The following WDR4 variants were observed in gnomAD, a reference collection of about 807,000 sequenced individuals.
WDR4 encodes the protein WDR4 tRNA N7-guanosine methyltransferase non-catalytic subunit, also known as tRNA (guanine-N(7)-)-methyltransferase non-catalytic subunit WDR4.
A neutral mutation model predicts 48.6 loss-of-function variants in WDR4; 47 were observed. The observed-to-expected ratio is 0.97, with a 90% CI of 0.77 to 1.23. The LOEUF (loss-of-function observed/expected upper bound fraction) is 1.23. Among genes scored for constraint, WDR4 ranks in the 50% most tolerant of loss-of-function variants. The probability of loss-of-function intolerance (pLI) is 0.00; values close to 1 mark genes in which losing one functional copy is unlikely to be tolerated. For missense variants in WDR4, 606 were observed against 551.6 expected (o/e 1.10, Z -0.99); for synonymous variants, 268 against 230.0 (o/e 1.17, Z -1.49).
rs1053305232 is a variant in WDR4, at chr21:42,862,230, C to G, written c.566+52G>C. 1.3e-6 allele frequency: 2 copies of G among 1,500,044 alleles called. No individual in the cohort carries two copies. Among genetic ancestry groups the G allele is most frequent in the Non-Finnish European group, 1.8e-6 (2 of 1,105,908 alleles). The allele number at this position is 1,500,044 out of a possible 1,614,324, so 92.9% of individuals were successfully genotyped here. A position where few individuals can be genotyped will look rare whatever the true frequency, so the allele number is the denominator to read the frequency against. On this transcript the variant is annotated intron_variant, in intron 5 of 10. Transcript: ENST00000398208. This position sits in a 1 kb window ranked among gnomAD's most constrained non-coding sequence, Gnocchi z 4.3. ...GCACCTGCTGAGCCGCAAGCTGACG[C>G]TGTTTTCAAACAGACCTTCTTTCTG...
chr21:42,851,325 A>C (rs1276318856), intron 10 of WDR4, among the ~76,000 whole-genome samples: 1 of 152,212 alleles, frequency 6.6e-6, no homozygotes, highest in Non-Finnish European at 1.5e-5. Context: ...TGCCCGTCTC[A>C]ACCCTCAACA....
intron 3 of WDR4, among the ~76,000 whole-genome samples, chr21:42,867,518 C>T (rs943340170): frequency 2.6e-5 from 4 of 152,048 alleles, no homozygotes; most frequent in Non-Finnish European, 5.9e-5. Context: ...ACGAAAAGTG[C>T]TTTGCACTTC....
At chr21:42,860,592 C>T (rs2058091013) in intron 5 of WDR4, among the ~76,000 whole-genome samples, 1 of 152,254 alleles carries the variant, frequency 6.6e-6, no homozygotes, top group African/African-American at 2.4e-5. Flanking sequence ...GTGAGCCGGG[C>T]CCGGTCCCGC....
At chr21:42,864,303 CGCTGAGTGT>C (rs2058197844) in intron 3 of WDR4, among the ~76,000 whole-genome samples, 1 of 151,236 alleles carries the variant, frequency 6.6e-6, no homozygotes, top group African/African-American at 2.4e-5. Flanking sequence ...TCTCCATAAA[CGCTGAGTGT>C]GCTGGGGGCC....
chr21:42,860,917 C>T (rs2058099396), intron 5 of WDR4, among the ~76,000 whole-genome samples: 1 of 152,194 alleles, frequency 6.6e-6, no homozygotes, highest in African/African-American at 2.4e-5. Flanking sequence ...ACTGCAATGT[C>T]AGCAAAGGGC....
chr21:42,883,873 C>T (rs901706441), upstream of WDR4: 5 of 152,938 alleles, frequency 3.3e-5, no homozygotes, highest in African/African-American at 1.2e-4. Flanking sequence ...AGTATATATA[C>T]AGAATTGTGC....
chr21:42,846,347 G>A (rs73366790), downstream of WDR4, among the ~76,000 whole-genome samples: 2,657 of 152,286 alleles, frequency 0.017, 71 homozygotes, highest in African/African-American at 0.058. Context: ...GAGCAGAAGC[G>A]GCCACAGCAA....
At chr21:42,850,270 C>G (rs1238136040) in intron 10 of WDR4, 28 bp from the exon 11 acceptor site, 1 of 1,560,730 alleles carries the variant, frequency 6.4e-7, no homozygotes, top group South Asian at 1.2e-5. Context: ...GGACAGGTGC[C>G]AGGTGGGGCA....
the WDR4 span, among the ~76,000 whole-genome samples, chr21:42,889,690 C>T: frequency 6.6e-6 from 1 of 152,166 alleles, no homozygotes; most frequent in Non-Finnish European, 1.5e-5. Flanking sequence ...TGAAATTATG[C>T]CTGTAACCTT....
chr21:42,856,395 T>C (rs1854583437), intron 6 of WDR4, among the ~76,000 whole-genome samples: 1 of 152,202 alleles, frequency 6.6e-6, no homozygotes, highest in African/African-American at 2.4e-5. Context: ...TCTGTTGTTA[T>C]TTTTTTGTTG....
chr21:42,858,608 G>A (rs1342558645), intron 6 of WDR4, among the ~76,000 whole-genome samples: 2 of 152,238 alleles, frequency 1.3e-5, no homozygotes, highest in African/African-American at 2.4e-5. Context: ...AGTAAGCCAT[G>A]AGGGACAGAT....
chr21:42,857,796 G>GA (rs67849006), intron 6 of WDR4, among the ~76,000 whole-genome samples: 10 of 151,672 alleles, frequency 6.6e-5, no homozygotes, highest in Admixed American at 2.6e-4. Context: ...GAACAGGAAA[G>GA]AAAAAAAAAC....
At chr21:42,868,551 T>A (rs551714132) in intron 3 of WDR4, among the ~76,000 whole-genome samples, 1 of 152,220 alleles carries the variant, frequency 6.6e-6, no homozygotes, top group Non-Finnish European at 1.5e-5. Flanking sequence ...AAATGGTGTC[T>A]GGTACCAGAC....
chr21:42,854,537 C>G, intron 8 of WDR4, 25 bp downstream of exon 8: 1 of 1,608,748 alleles, frequency 6.2e-7, no homozygotes, highest in Non-Finnish European at 8.5e-7. Context: ...GAACCGGAGG[C>G]CATAGAGGTG....
chr21:42,845,519 G>C (rs925166611), downstream of WDR4, among the ~76,000 whole-genome samples: 1 of 152,170 alleles, frequency 6.6e-6, no homozygotes, highest in Non-Finnish European at 1.5e-5. Flanking sequence ...TTTCCCCCAG[G>C]GTAAGTGATC....
intron 7 of WDR4, 43 bp from the exon 8 acceptor site, chr21:42,854,669 G>C: frequency 6.3e-7 from 1 of 1,596,498 alleles, no homozygotes; most frequent in Non-Finnish European, 8.5e-7. Flanking sequence ...CACCTGCAGG[G>C]GCCCGACGCC....
At chr21:42,888,700 T>A in the WDR4 span, among the ~76,000 whole-genome samples, 2 of 138,806 alleles carry the variant, frequency 1.4e-5, no homozygotes, top group Admixed American at 7.3e-5. Flanking sequence ...AGGTTTATAA[T>A]TTTTTTTTTT....
At chr21:42,870,908 T>C (rs923933574) in intron 3 of WDR4, among the ~76,000 whole-genome samples, 3 of 152,206 alleles carry the variant, frequency 2.0e-5, no homozygotes, top group Admixed American at 6.5e-5. Flanking sequence ...CAGCAGCCAG[T>C]GTCCGAAAGG....
At chr21:42,871,513 C>G (rs538408075) in intron 3 of WDR4, among the ~76,000 whole-genome samples, 44 of 152,356 alleles carry the variant, frequency 2.9e-4, no homozygotes, top group Non-Finnish European at 5.1e-4. Flanking sequence ...CTTCTCTATT[C>G]TAGGTCCTAA....
Sources: gnomAD v4.1 joint callset for allele counts (sites outside exome capture counted in the v4.1 genomes callset) on GRCh38, gnomAD v4.1.1 for gene constraint, Gnocchi (gnomAD v3.1) non-coding constraint, MANE v1.5 for transcripts, NCBI Gene and HGNC (gene_info 2026-07-23, HGNC 2026-07-21) for gene names.